SLC25A43: variants seen among roughly 807,000 people sequenced by gnomAD.
SLC25A43 encodes the protein solute carrier family 25, member 43.
A neutral mutation model predicts 22.8 loss-of-function variants in SLC25A43; 10 were observed. The observed-to-expected ratio is 0.44, with a 90% CI of 0.27 to 0.74. SLC25A43 has a LOEUF of 0.74. Ranked by LOEUF, SLC25A43 falls within the 30% of genes least tolerant of loss-of-function variation. The probability of loss-of-function intolerance (pLI) is 0.17; values close to 1 mark genes in which losing one functional copy is unlikely to be tolerated. For synonymous variants in SLC25A43, 106 were observed against 121.6 expected (o/e 0.87, Z 0.84); for missense variants, 233 against 279.1 (o/e 0.83, Z 1.18).
chrX:119,416,212 A>G (rs2052399965), intron 3 of SLC25A43, among the ~76,000 whole-genome samples: 1 of 107,495 alleles, frequency 9.3e-6, no homozygotes, highest in Non-Finnish European at 1.9e-5. Context: ...CTTTAGAAAA[A>G]TGCCTTTTTT....
At chrX:119,420,807 G>A (rs765522967) in intron 3 of SLC25A43, among the ~76,000 whole-genome samples, 1 of 112,159 alleles carries the variant, frequency 8.9e-6, no homozygotes, top group Admixed American at 9.4e-5. Flanking sequence ...CACTCACCCT[G>A]TAAAGAATAA....
intron 3 of SLC25A43, among the ~76,000 whole-genome samples, chrX:119,425,250 A>G (rs1041979552): frequency 8.9e-6 from 1 of 111,801 alleles, no homozygotes; most frequent in Non-Finnish European, 1.9e-5. Flanking sequence ...GCTCAGAGGG[A>G]CTGGGAAGAA....
chrX:119,404,581 G>A (rs2052271633), intron 1 of SLC25A43, among the ~76,000 whole-genome samples: 1 of 111,408 alleles, frequency 9.0e-6, no homozygotes, highest in Admixed American at 9.5e-5. Context: ...GTCCTCTCGG[G>A]TTTTTATGGA....
At chrX:119,409,467 A>G (rs1488095438) in intron 2 of SLC25A43, among the ~76,000 whole-genome samples, 3 of 107,189 alleles carry the variant, frequency 2.8e-5, no homozygotes, top group Non-Finnish European at 5.8e-5. Context: ...CGGCCTCCCA[A>G]AGTGCTGGGA....
chrX:119,406,331 T>G, intron 1 of SLC25A43, 129 bp from the exon 2 acceptor site: 1 of 725,844 alleles, frequency 1.4e-6, no homozygotes, highest in Non-Finnish European at 2.0e-6. Flanking sequence ...AATGCTTATA[T>G]AGTACTATAG....
Position 119,452,932 on chromosome X carries a change from A to G in SLC25A43, c.893A>G (p.Asn298Ser). The G allele has an allele frequency of 8.3e-7, 1 of 1,210,886 alleles. No individual in the cohort carries two copies. The highest frequency in any genetic ancestry group is 1.1e-6 in the Non-Finnish European group (1 of 894,620). ...EFCKRICLYQ[N>S]GYILSPLSYK... is the part of the protein sequence containing the mutation. ...TGCAAGAGAATCTGTCTTTATCAAAATGGTTACATTCTGTCTCCACTGAGC... is the reference window on the plus strand; with the variant it reads ...TGCAAGAGAATCTGTCTTTATCAAAGTGGTTACATTCTGTCTCCACTGAGC... The change falls in exon 5 of 5, where the codon AAT becomes AGT. Residue 298 changes from asparagine (N) to serine (S), a missense_variant. Coordinates refer to ENST00000217909, the MANE Select transcript of SLC25A43 (RefSeq NM_145305.3).
At position 119,404,517 on chromosome X, in the gene SLC25A43, G is replaced by A. The variant is rs774617136; in HGVS notation, c.276-1943G>A. On this transcript the variant is annotated intron_variant, in intron 1 of 4. Coordinates refer to ENST00000217909, the MANE Select transcript of SLC25A43 (RefSeq NM_145305.3). ...GAGCTTCCATGCCCTCCCTGGGCAC[G>A]CCACCCTTCAGGAACCTCCACATGT... Among the ~76,000 whole-genome samples the A allele has an allele frequency of 7.1e-5, 8 of 111,914 alleles. No homozygotes were observed. The East Asian group carries it at 2.0e-3, about 28-fold the overall frequency.
chrX:119,427,532 GTC>G (rs952284152), intron 3 of SLC25A43, among the ~76,000 whole-genome samples: 101 of 112,462 alleles, frequency 9.0e-4, no homozygotes, highest in Middle Eastern at 4.6e-3. Flanking sequence ...AACTATTTGG[GTC>G]CCGGCTATGC....
rs780253357 is a variant in SLC25A43, at chrX:119,445,038, C to CAA, written c.691-6945_691-6944dup. 2.6e-3 allele frequency among the ~76,000 whole-genome samples: 92 copies of CAA among 35,529 alleles called. 4 individuals are homozygous for CAA. The highest frequency in any genetic ancestry group is 0.011 in the East Asian group (7 of 650). The allele number at this position is 35,529 out of a possible 115,157, so 30.9% of individuals were successfully genotyped here. ...GGGTGACAGAGTAAGACCCTGTCTC[C>CAA]AAAAAAAAAAAAAAAAAAAAAAAAA... On this transcript the variant is annotated intron_variant, in intron 3 of 4. Transcript: ENST00000217909.
intron 3 of SLC25A43, among the ~76,000 whole-genome samples, chrX:119,418,469 C>T (rs1389050550): frequency 3.6e-5 from 4 of 111,964 alleles, no homozygotes; most frequent in Non-Finnish European, 7.5e-5. Flanking sequence ...GAATTTTTCT[C>T]GATCCCTGCA....
chrX:119,452,498 A>C (rs1447522486), intron 4 of SLC25A43, among the ~76,000 whole-genome samples: 3 of 110,909 alleles, frequency 2.7e-5, no homozygotes, highest in Non-Finnish European at 5.7e-5. Flanking sequence ...ATGACAAAAA[A>C]AAAAAAAAAC....
intron 3 of SLC25A43, among the ~76,000 whole-genome samples, chrX:119,411,500 C>CAA (rs776366223): frequency 1.4e-3 from 75 of 52,506 alleles, no homozygotes; most frequent in African/African-American, 4.7e-3. Flanking sequence ...AACTCTGTCT[C>CAA]AAAAAAAAAA....
chrX:119,421,408 T>C (rs2052451745), intron 3 of SLC25A43, among the ~76,000 whole-genome samples: 1 of 112,005 alleles, frequency 8.9e-6, no homozygotes, highest in South Asian at 3.7e-4. Flanking sequence ...TGTTAAGTAC[T>C]GGCTGGGCTA....
chrX:119,424,015 C>T (rs1465693116), intron 3 of SLC25A43: 2 of 110,197 alleles, frequency 1.8e-5, no homozygotes, highest in East Asian at 5.7e-4. Context: ...GTGATCGAGA[C>T]CATCCTGGCT....
intron 3 of SLC25A43, among the ~76,000 whole-genome samples, chrX:119,447,642 A>G (rs2147298740): frequency 9.0e-6 from 1 of 110,988 alleles, no homozygotes; most frequent in South Asian, 3.8e-4. Context: ...AGTGACCTCC[A>G]TGTGTTTAGA....
chrX:119,432,982 C>T (rs985632826), intron 3 of SLC25A43, among the ~76,000 whole-genome samples: 1 of 109,759 alleles, frequency 9.1e-6, no homozygotes, highest in African/African-American at 3.3e-5. Context: ...GTCTGTAATC[C>T]CAGCTACTCG....
chrX:119,449,740 A>T (rs1182921704), intron 3 of SLC25A43, among the ~76,000 whole-genome samples: 1 of 107,819 alleles, frequency 9.3e-6, no homozygotes, highest in Non-Finnish European at 1.9e-5. Context: ...AAAAAAAGAA[A>T]GAAAAGAAAA....
Position 119,453,386 on chromosome X carries a change from T to C in SLC25A43, c.*321T>C, listed in dbSNP as rs1603300154. 8.4e-6 allele frequency: 2 copies of C among 239,319 alleles called. No homozygotes were observed. The highest frequency in any genetic ancestry group is 1.8e-4 in the East Asian group (2 of 11,370). The allele number at this position is 239,319 out of a possible 1,213,427, so 19.7% of individuals were successfully genotyped here. ...CCAAAGAAAGGGCATTGCCATGACATCTCAAAGCAACAGGTAATTGAAGTG... is the reference window on the plus strand; with the variant it reads ...CCAAAGAAAGGGCATTGCCATGACACCTCAAAGCAACAGGTAATTGAAGTG... On this transcript the variant is annotated 3_prime_UTR_variant, in exon 5 of 5. Transcript: ENST00000217909.
intron 3 of SLC25A43, among the ~76,000 whole-genome samples, chrX:119,413,601 G>A (rs1237489503): frequency 1.8e-5 from 2 of 110,042 alleles, no homozygotes; most frequent in African/African-American, 6.6e-5. Context: ...CAGCTACTTG[G>A]GAGGCTGAGG....
Sources: allele counts gnomAD v4.1 joint callset (sites outside exome capture counted in the v4.1 genomes callset), GRCh38; gene constraint gnomAD v4.1.1; transcripts MANE v1.5; gene names NCBI Gene and HGNC (gene_info 2026-07-23, HGNC 2026-07-21).